Variants in CCSER1 observed in about 807,000 individuals in gnomAD.
The protein encoded by CCSER1 is serine-rich coiled-coil domain-containing protein 1.
CCSER1 carries 41 observed loss-of-function variants against 82.0 expected under a neutral mutation model. The ratio of observed to expected loss-of-function variants is 0.50; its 90% CI spans 0.39 to 0.65. CCSER1 has a LOEUF of 0.65. CCSER1 is among the 30% of genes least tolerant of loss of function. The pLI is 0.00. For missense variants in CCSER1, 1,119 were observed against 1,064.2 expected, an observed-to-expected ratio of 1.05 and a Z score of -0.72; for synonymous variants, 414 against 383.9, an observed-to-expected ratio of 1.08 and a Z score of -0.92.
At chr4:90,818,729 C>G (rs114973419) in intron 8 of CCSER1, among the ~76,000 whole-genome samples, 2 of 152,154 alleles carry the variant, frequency 1.3e-5, no homozygotes, top group African/African-American at 2.4e-5. Flanking sequence ...CCTCTAGATG[C>G]CAGTAGCACC....
At chr4:90,181,440 G>T (rs941094219) in intron 1 of CCSER1, among the ~76,000 whole-genome samples, 4 of 152,092 alleles carry the variant, frequency 2.6e-5, no homozygotes, top group Admixed American at 2.6e-4. Context: ...AGACAAAAAG[G>T]CATCAGTATT....
intron 5 of CCSER1, among the ~76,000 whole-genome samples, chr4:90,487,212 G>T (rs182935881): frequency 1.3e-5 from 2 of 152,088 alleles, no homozygotes; most frequent in Non-Finnish European, 2.9e-5. Flanking sequence ...GGTCCCGGCC[G>T]TCTCTATTTT....
At chr4:90,278,262 A>C (rs941367552) in intron 1 of CCSER1, among the ~76,000 whole-genome samples, 2 of 152,154 alleles carry the variant, frequency 1.3e-5, no homozygotes, top group African/African-American at 4.8e-5. Context: ...TGTGGAGAGC[A>C]ATTTGGAGAT....
chr4:91,231,013 A>G (rs1167774679), intron 10 of CCSER1, among the ~76,000 whole-genome samples: 1 of 151,922 alleles, frequency 6.6e-6, no homozygotes, highest in Non-Finnish European at 1.5e-5. Context: ...ATTCCTAGTA[A>G]GAATATAAGG....
intron 10 of CCSER1, among the ~76,000 whole-genome samples, chr4:91,273,176 A>C (rs1292724059): frequency 6.6e-6 from 1 of 151,710 alleles, no homozygotes; most frequent in Non-Finnish European, 1.5e-5. Context: ...GAATTTGTAG[A>C]TTGCTTTTGA....
intron 10 of CCSER1, chr4:91,319,180 G>C (rs1746026129): frequency 4.9e-6 from 1 of 206,014 alleles, no homozygotes; most frequent in African/African-American, 2.4e-5. Flanking sequence ...TTTACATGAA[G>C]AATGCTAAAA....
chr4:90,380,385 C>G (rs975671063), intron 3 of CCSER1, among the ~76,000 whole-genome samples: 1 of 152,096 alleles, frequency 6.6e-6, no homozygotes, highest in Non-Finnish European at 1.5e-5. Context: ...ATTTTAGTTA[C>G]TTAATTATTA....
At chr4:91,182,060 C>G (rs186277613) in intron 10 of CCSER1, among the ~76,000 whole-genome samples, 143 of 152,278 alleles carry the variant, frequency 9.4e-4, no homozygotes, top group Admixed American at 8.9e-3. Flanking sequence ...GTTAGGTTGT[C>G]TTTCACCATC....
At chr4:90,148,487 G>A (rs1163955358) in intron 1 of CCSER1, among the ~76,000 whole-genome samples, 1 of 152,064 alleles carries the variant, frequency 6.6e-6, no homozygotes, top group African/African-American at 2.4e-5. Flanking sequence ...TATTGTCTAG[G>A]ATATGGTAGT....
Position 90,283,407 on chromosome 4 carries a change from A to G in CCSER1, c.-41-24837A>G, listed in dbSNP as rs575502426. Among the ~76,000 whole-genome samples the G allele has an allele frequency of 2.1e-4, 32 of 152,122 alleles. No homozygotes were observed. In the South Asian group the frequency reaches 6.6e-3, roughly 32 times the overall value. On this transcript the variant is annotated intron_variant, in intron 1 of 10. Coordinates refer to ENST00000509176, the MANE Select transcript of CCSER1 (RefSeq NM_001145065.2). ...CACATATTTATGGGGTACATGTGATATTTTGATACAAGCATATAGCATGCA... is the reference window on the plus strand; with the variant it reads ...CACATATTTATGGGGTACATGTGATGTTTTGATACAAGCATATAGCATGCA...
At chr4:91,035,836 A>T (rs1006955756) in intron 9 of CCSER1, among the ~76,000 whole-genome samples, 1 of 152,154 alleles carries the variant, frequency 6.6e-6, no homozygotes, top group Non-Finnish European at 1.5e-5. Context: ...GCTGATTACA[A>T]CTCACTCCTA....
rs192576495 is a variant in CCSER1, at chr4:90,933,576, T to A, written c.2172+10129T>A. 9.6e-3 allele frequency among the ~76,000 whole-genome samples: 1,464 copies of A among 152,092 alleles called. 31 individuals carry two copies. Among genetic ancestry groups the A allele is most frequent in the African/African-American group, 0.034 (1,402 of 41,494 alleles). The stretch of plus-strand genomic sequence containing the variant: ...TAACTTTTCTTTGCAGGAGTATCAG[T>A]AATATGACACAATTATATGTCATAA... On this transcript the variant is annotated intron_variant, in intron 9 of 10. Coordinates refer to ENST00000509176, the MANE Select transcript of CCSER1 (RefSeq NM_001145065.2).
At chr4:90,489,958 T>A (rs1003334499) in intron 5 of CCSER1, among the ~76,000 whole-genome samples, 1 of 152,196 alleles carries the variant, frequency 6.6e-6, no homozygotes, top group Non-Finnish European at 1.5e-5. Context: ...TCTTTGCTAT[T>A]TTGAATAGTG....
At chr4:91,122,364 C>A (rs1056848440) in intron 10 of CCSER1, among the ~76,000 whole-genome samples, 1 of 151,674 alleles carries the variant, frequency 6.6e-6, no homozygotes, top group Non-Finnish European at 1.5e-5. Context: ...GTCAATAATT[C>A]TTTGAAAGTA....
At chr4:91,401,222 T>C (rs1752295737) in intron 10 of CCSER1, among the ~76,000 whole-genome samples, 1 of 150,464 alleles carries the variant, frequency 6.6e-6, no homozygotes, top group East Asian at 1.9e-4. Context: ...TAATGCAGTT[T>C]AATATGGTGA....
rs1746320181 is a variant in CCSER1, at chr4:90,366,575, G to C, written c.1510-33461G>C. Among the ~76,000 whole-genome samples, 3 of 151,600 alleles carry C rather than the reference G, an allele frequency of 2.0e-5. No homozygotes were observed. In the South Asian group the frequency reaches 6.3e-4, roughly 32 times the overall value. ...ACTATATTCACCAGGCTGTGCAATAGAACTCAAAAGGGAAAAAAAATCCCA... is the reference window on the plus strand; with the variant it reads ...ACTATATTCACCAGGCTGTGCAATACAACTCAAAAGGGAAAAAAAATCCCA... On this transcript the variant is annotated intron_variant, in intron 3 of 10. Coordinates refer to ENST00000509176, the MANE Select transcript of CCSER1 (RefSeq NM_001145065.2).
intron 10 of CCSER1, among the ~76,000 whole-genome samples, chr4:91,101,192 C>A: frequency 6.6e-6 from 1 of 152,118 alleles, no homozygotes; most frequent in Non-Finnish European, 1.5e-5. Flanking sequence ...ATACTTACAA[C>A]AAGATTAAGC....
At chr4:90,698,984 C>A (rs901983077) in intron 6 of CCSER1, among the ~76,000 whole-genome samples, 2 of 151,974 alleles carry the variant, frequency 1.3e-5, no homozygotes, top group Admixed American at 6.6e-5. Flanking sequence ...ACCTGTAGTC[C>A]CAGCTACTCA....
At chr4:90,789,718 G>C (rs538156391) in intron 7 of CCSER1, among the ~76,000 whole-genome samples, 1 of 152,216 alleles carries the variant, frequency 6.6e-6, no homozygotes, top group South Asian at 2.1e-4. Context: ...CTTGCCTGCT[G>C]CCATTCATGT....
Sources: gnomAD v4.1 joint callset for allele counts (sites outside exome capture counted in the v4.1 genomes callset) on GRCh38, gnomAD v4.1.1 for gene constraint, MANE v1.5 for transcripts, NCBI Gene and HGNC (gene_info 2026-07-23, HGNC 2026-07-21) for gene names.